The following TERB1 variants were observed in gnomAD, a reference collection of about 807,000 sequenced individuals.
TERB1 encodes the protein telomere repeat binding bouquet formation protein 1, also known as telomere repeats-binding bouquet formation protein 1.
A neutral mutation model predicts 92.3 loss-of-function variants in TERB1; 63 were observed. The ratio of observed to expected loss-of-function variants is 0.68; its 90% CI spans 0.56 to 0.84. The LOEUF (loss-of-function observed/expected upper bound fraction) is 0.84. Ranked by LOEUF, TERB1 falls within the 40% of genes least tolerant of loss-of-function variation. The pLI is 0.00. For missense variants in TERB1, 709 were observed against 843.7 expected (o/e 0.84, Z 1.98); for synonymous variants, 252 against 283.9 (o/e 0.89, Z 1.13).
Position 66,777,131 on chromosome 16 carries a change from A to T in TERB1, c.985+72T>A. 3.0e-6 allele frequency: 4 copies of T among 1,320,672 alleles called. No individual in the cohort carries two copies. The African/African-American group carries it at 7.0e-5, about 23-fold the overall frequency. The allele number at this position is 1,320,672 out of a possible 1,614,324, so 81.8% of individuals were successfully genotyped here. On this transcript the variant is annotated intron_variant, in intron 11 of 18. Transcript: ENST00000433154. ...CTTTTAAGACCTTCACATAACTGGAAGAAAAAAAAAAACAGAAGTATATTT... is the reference window on the plus strand; with the variant it reads ...CTTTTAAGACCTTCACATAACTGGATGAAAAAAAAAAACAGAAGTATATTT...
intron 16 of TERB1, among the ~76,000 whole-genome samples, chr16:66,761,837 A>G (rs1354556624): frequency 2.0e-5 from 3 of 152,060 alleles, no homozygotes; most frequent in Non-Finnish European, 2.9e-5. Context: ...GGCAGATCAC[A>G]AGGTCAGGAG....
At chr16:66,785,211 T>G (rs1002074618) in intron 9 of TERB1, among the ~76,000 whole-genome samples, 2 of 151,488 alleles carry the variant, frequency 1.3e-5, no homozygotes, top group Non-Finnish European at 2.9e-5. Context: ...CCCAGCTAAT[T>G]TCTGTATTTT....
At chr16:66,764,237 A>G (rs1307133089) in intron 16 of TERB1, among the ~76,000 whole-genome samples, 1 of 152,206 alleles carries the variant, frequency 6.6e-6, no homozygotes, top group East Asian at 1.9e-4. Context: ...GGATTTTGAA[A>G]CAAGGCATTT....
At chr16:66,776,414 AGAG>A (rs2018550144) in intron 11 of TERB1, among the ~76,000 whole-genome samples, 1 of 152,174 alleles carries the variant, frequency 6.6e-6, no homozygotes, top group Non-Finnish European at 1.5e-5. Flanking sequence ...ACGCAGCCAC[AGAG>A]TAGTATCATA....
chr16:66,772,941 C>T (rs966101948), intron 12 of TERB1, among the ~76,000 whole-genome samples, 192 bp from the exon 13 acceptor site: 1 of 152,140 alleles, frequency 6.6e-6, no homozygotes, highest in Non-Finnish European at 1.5e-5. Flanking sequence ...ATAAATCAGA[C>T]TTTACTCTTC....
At chr16:66,764,999 AG>A (rs1018897821) in intron 16 of TERB1, among the ~76,000 whole-genome samples, 2 of 152,274 alleles carry the variant, frequency 1.3e-5, no homozygotes, top group Non-Finnish European at 2.9e-5. Context: ...ATGCTACAAA[AG>A]TAAATGTAGT....
intron 3 of TERB1, among the ~76,000 whole-genome samples, chr16:66,794,950 C>A (rs1357294368): frequency 1.3e-5 from 2 of 150,976 alleles, no homozygotes; most frequent in Non-Finnish European, 3.0e-5. Context: ...CACACACAAT[C>A]AAATAAAATT....
intron 5 of TERB1, among the ~76,000 whole-genome samples, 183 bp downstream of exon 5, chr16:66,790,412 G>A (rs934973340): frequency 2.0e-5 from 3 of 148,558 alleles, no homozygotes; most frequent in African/African-American, 7.4e-5. Context: ...GGAAACGAAA[G>A]GAAAGGAAAG....
chr16:66,775,569 G>A (rs1373942786), intron 11 of TERB1, among the ~76,000 whole-genome samples: 1 of 152,076 alleles, frequency 6.6e-6, no homozygotes, highest in Non-Finnish European at 1.5e-5. Flanking sequence ...GGGAGGTGGA[G>A]GCTGCAGTGA....
At chr16:66,781,659 A>G (rs2018639476) in intron 9 of TERB1, among the ~76,000 whole-genome samples, 1 of 151,360 alleles carries the variant, frequency 6.6e-6, no homozygotes, top group South Asian at 2.1e-4. Context: ...AGCTGGGACT[A>G]CAGGCGCCCA....
chr16:66,790,636 T>G lies in TERB1; in HGVS notation c.230A>C (p.Glu77Ala), dbSNP rs773226394. The change falls in exon 5 of 19, where the codon GAA (glutamate) becomes GCA (alanine). Residue 77 changes from glutamate (E) to alanine (A), a missense_variant. By Grantham distance (107) the Glu-to-Ala change is moderately radical (BLOSUM62 -1). Transcript: ENST00000433154. ...AGCTCCTAATGTATATAAGGCTGCTTCTTTTACCATGCTATGTTCACTTGA... is the reference window on the plus strand; with the variant it reads ...AGCTCCTAATGTATATAAGGCTGCTGCTTTTACCATGCTATGTTCACTTGA... ...AKSSEHSMVK[E>A]AALYTLGAIA... 5 of 1,550,418 alleles carry G rather than the reference T, an allele frequency of 3.2e-6. No individual in the cohort carries two copies. Among genetic ancestry groups the G allele is most frequent in the Non-Finnish European group, 4.4e-6 (5 of 1,146,158 alleles).
chr16:66,776,715 A>T (rs2018554884), intron 11 of TERB1, among the ~76,000 whole-genome samples: 1 of 152,040 alleles, frequency 6.6e-6, no homozygotes, highest in Non-Finnish European at 1.5e-5. Flanking sequence ...AGTAGAGAGG[A>T]GGAGGAAAAT....
chr16:66,767,994 C>T (rs1567468125), intron 15 of TERB1, 110 bp downstream of exon 15: 1 of 852,828 alleles, frequency 1.2e-6, no homozygotes, highest in Non-Finnish European at 1.9e-6. Flanking sequence ...TCCCAAAGTG[C>T]TGGGATTACA....
chr16:66,774,644 T>C (rs1012238251), intron 12 of TERB1, among the ~76,000 whole-genome samples: 3 of 151,690 alleles, frequency 2.0e-5, no homozygotes, highest in Non-Finnish European at 2.9e-5. Context: ...ATGCTGAATA[T>C]ACCCTAGTTG....
chr16:66,780,103 G>A (rs1229451937), intron 9 of TERB1, among the ~76,000 whole-genome samples: 1 of 152,186 alleles, frequency 6.6e-6, no homozygotes, highest in Admixed American at 6.5e-5. Context: ...CTGAACTAAA[G>A]CAACCTGCCT....
At chr16:66,791,840 C>A (rs987760087) in intron 3 of TERB1, among the ~76,000 whole-genome samples, 1 of 152,086 alleles carries the variant, frequency 6.6e-6, no homozygotes, top group African/African-American at 2.4e-5. Context: ...CAGATGGTTT[C>A]ATCTGTAAAT....
intron 16 of TERB1, among the ~76,000 whole-genome samples, chr16:66,763,019 G>A (rs142674524): frequency 0.01 from 1,542 of 151,978 alleles, 7 homozygotes; most frequent in Middle Eastern, 0.014. Context: ...AAACTATTAT[G>A]ACACCTAAAA....
intron 3 of TERB1, among the ~76,000 whole-genome samples, chr16:66,792,617 G>T (rs2145238031): frequency 6.6e-6 from 1 of 152,302 alleles, no homozygotes; most frequent in African/African-American, 2.4e-5. Context: ...GTTGCTTAAT[G>T]ATGGGGATAC....
chr16:66,777,198 C>G lies in TERB1; in HGVS notation c.985+5G>C. 1 of 1,541,754 alleles carries G rather than the reference C, an allele frequency of 6.5e-7. No homozygotes were observed. Among genetic ancestry groups the G allele is most frequent in the South Asian group, 1.2e-5 (1 of 82,578 alleles). ...ATAACCACACTCAATAAATCCAATA[C>G]TTACCACAATCCTCTGTGCAATGAC... On this transcript the variant is annotated splice_donor_5th_base_variant and intron_variant, in intron 11 of 18. Coordinates refer to ENST00000433154, the MANE Select transcript of TERB1 (RefSeq NM_001136505.2).
Sources: gnomAD v4.1 joint callset for allele counts (sites outside exome capture counted in the v4.1 genomes callset) on GRCh38, gnomAD v4.1.1 for gene constraint, MANE v1.5 for transcripts, NCBI Gene and HGNC (gene_info 2026-07-23, HGNC 2026-07-21) for gene names.